The following ABCA10 variants were observed in gnomAD, a reference collection of about 807,000 sequenced individuals.
The protein encoded by ABCA10 is ATP-binding cassette sub-family A member 10.
In ABCA10, 169 loss-of-function variants were observed where a neutral mutation model predicts 187.5. The observed-to-expected ratio is 0.90, with a 90% CI of 0.80 to 1.02. The LOEUF is 1.02. Ranked by LOEUF, ABCA10 falls within the 50% of genes least tolerant of loss-of-function variation. The pLI, the probability that ABCA10 is intolerant of heterozygous loss-of-function variation, is 0.00. For missense variants in ABCA10, 1,727 were observed against 1,812.4 expected, an observed-to-expected ratio of 0.95 and a Z score of 0.86; for synonymous variants, 574 against 601.8, an observed-to-expected ratio of 0.95 and a Z score of 0.68.
At chr17:69,219,377 C>A (rs898958517) in intron 6 of ABCA10, among the ~76,000 whole-genome samples, 168 bp downstream of exon 6, 1 of 152,220 alleles carries the variant, frequency 6.6e-6, no homozygotes, top group African/African-American at 2.4e-5. Flanking sequence ...AACATAAGCA[C>A]AATCCTTACT....
chr17:69,186,470 CGTCT>C (rs1263190069), intron 19 of ABCA10, among the ~76,000 whole-genome samples: 1 of 152,258 alleles, frequency 6.6e-6, no homozygotes, highest in African/African-American at 2.4e-5. Context: ...CTCCACCCTC[CGTCT>C]ATCTCTCATT....
chr17:69,242,329 G>T (rs544329142), intron 1 of ABCA10, among the ~76,000 whole-genome samples: 1 of 152,200 alleles, frequency 6.6e-6, no homozygotes, highest in African/African-American at 2.4e-5. Context: ...ATAAAAATTA[G>T]ATAAGGTGAA....
At chr17:69,165,170 A>T in intron 25 of ABCA10, 87 bp from the exon 26 acceptor site, 1 of 1,131,034 alleles carries the variant, frequency 8.8e-7, no homozygotes, top group East Asian at 2.6e-5. Context: ...TTTTCCTGGG[A>T]GATACTGCCA....
chr17:69,217,617 T>C (rs2074716054), intron 6 of ABCA10, among the ~76,000 whole-genome samples: 1 of 152,200 alleles, frequency 6.6e-6, no homozygotes, highest in Admixed American at 6.5e-5. Context: ...GAATTTGGCA[T>C]ACTTGAGCCT....
intron 25 of ABCA10, among the ~76,000 whole-genome samples, chr17:69,165,640 G>C (rs1279074967): frequency 6.6e-6 from 1 of 152,026 alleles, no homozygotes; most frequent in Non-Finnish European, 1.5e-5. Context: ...TCCTAAAATG[G>C]CTCCCTGGCT....
intron 25 of ABCA10, among the ~76,000 whole-genome samples, chr17:69,169,290 A>C (rs781587454): frequency 6.6e-6 from 1 of 152,210 alleles, no homozygotes; most frequent in Non-Finnish European, 1.5e-5. Flanking sequence ...TTCCTAAGGG[A>C]TATTGTATCA....
rs763253458 is a variant in ABCA10, at chr17:69,185,661, A to G, written c.2331-18T>C. On this transcript the variant is annotated intron_variant, in intron 19 of 38. Transcript: ENST00000690296. The stretch of plus-strand genomic sequence containing the variant: ...CTAGTAACCTAAGTAAAACAAAATT[A>G]TAACATGAGTCTGAAGCAATTTTCC... The G allele has an allele frequency of 5.8e-6, 9 of 1,564,566 alleles. No homozygotes were observed. Among genetic ancestry groups the G allele is most frequent in the Non-Finnish European group, 7.8e-6 (9 of 1,148,114 alleles).
At chr17:69,156,171 T>C (rs1159923923) in intron 28 of ABCA10, among the ~76,000 whole-genome samples, 1 of 152,198 alleles carries the variant, frequency 6.6e-6, no homozygotes, top group Non-Finnish European at 1.5e-5. Flanking sequence ...GTCACTTCGT[T>C]CTTTTAAATC....
intron 6 of ABCA10, among the ~76,000 whole-genome samples, chr17:69,219,031 G>C (rs1210929475): frequency 6.6e-6 from 1 of 152,104 alleles, no homozygotes; most frequent in Non-Finnish European, 1.5e-5. Flanking sequence ...TTACTTTAAT[G>C]AGATTTTATT....
chr17:69,164,820 A>G, intron 26 of ABCA10, 144 bp downstream of exon 26: 1 of 1,102,674 alleles, frequency 9.1e-7, no homozygotes, highest in Non-Finnish European at 1.3e-6. Flanking sequence ...TCAATTTTAT[A>G]CAGCTTTAAA....
intron 16 of ABCA10, among the ~76,000 whole-genome samples, chr17:69,191,800 G>C (rs11077403): frequency 0.67 from 101,288 of 152,064 alleles, 34,345 homozygotes; most frequent in African/African-American, 0.74. Context: ...TTAATAAACA[G>C]TTGCTTTCTA....
Position 69,210,817 on chromosome 17 carries a change from CAT to C in ABCA10, c.1006+3885_1006+3886del, listed in dbSNP as rs1225966070. 7.3e-3 allele frequency among the ~76,000 whole-genome samples: 937 copies of C among 128,342 alleles called. 16 individuals are homozygous for C. Among genetic ancestry groups the C allele is most frequent in the African/African-American group, 0.034 (872 of 25,438 alleles). The allele number at this position is 128,342 out of a possible 152,430, so 84.2% of individuals were successfully genotyped here. ...ATATATATACAATGGCATATATATA[CAT>C]ATATATATATGCCACATATTTATGC... On this transcript the variant is annotated intron_variant, in intron 9 of 38. Coordinates refer to ENST00000690296, the MANE Select transcript of ABCA10 (RefSeq NM_001377321.1).
At position 69,164,566 on chromosome 17, in the gene ABCA10, T is replaced by A. The variant is rs112009199; in HGVS notation, c.3282+398A>T. On this transcript the variant is annotated intron_variant, in intron 26 of 38. Transcript: ENST00000690296. ...AAAGCAATTTATTGACACTAAGTAG[T>A]ATGCAATCAATAAGTCCAATAAGAT... Among the ~76,000 whole-genome samples the A allele has an allele frequency of 2.8e-3, 429 of 152,286 alleles. 2 individuals are homozygous for A. Among genetic ancestry groups the A allele is most frequent in the African/African-American group, 0.01 (417 of 41,570 alleles).
intron 9 of ABCA10, among the ~76,000 whole-genome samples, chr17:69,214,447 G>A (rs1039611143): frequency 1.3e-5 from 2 of 150,952 alleles, no homozygotes; most frequent in African/African-American, 2.4e-5. Context: ...CCCGGGAGGC[G>A]GAGCTTGCAG....
Position 69,185,538 on chromosome 17 carries a change from G to C in ABCA10, c.2436C>G (p.Phe812Leu). Residue 812 changes from phenylalanine to leucine, a missense_variant, in exon 20 of 39, where the codon TTC (phenylalanine) becomes TTG (leucine). Phe to Leu is a conservative substitution (Grantham distance 22). Coordinates refer to ENST00000690296, the MANE Select transcript of ABCA10 (RefSeq NM_001377321.1). ...TCTTCGGGATTTGTTCCAGAGAAAG[G>C]AAATACATACTGGGTGAAAACTCCC... The part of the protein sequence containing the change: ...HCWEFSPSMY[F>L]LSLEQIPKTP... The C allele has an allele frequency of 3.7e-6, 6 of 1,613,542 alleles. No homozygotes were observed. Among genetic ancestry groups the C allele is most frequent in the Non-Finnish European group, 5.1e-6 (6 of 1,179,702 alleles).
In ABCA10 at chr17:69,182,731, T is replaced by C. The variant is rs755497127; in HGVS notation, c.2575A>G (p.Asn859Asp). ...TTGTAGGAGGGATCATCTGAGCCATTTCTGTTTCTAAAGTCATCTATTTCC... is the reference window on the plus strand; with the variant it reads ...TTGTAGGAGGGATCATCTGAGCCATCTCTGTTTCTAAAGTCATCTATTTCC... Reference protein sequence around the residue: ...VLEIDDFRNRNGSDDPSYNGA... With the variant: ...VLEIDDFRNRDGSDDPSYNGA... The change falls in exon 21 of 39, where the codon AAT becomes GAT. Residue 859 changes from asparagine (N) to aspartate (D), a missense_variant. Physicochemically the swap from Asn to Asp is conservative, Grantham distance 23 (BLOSUM62 1). Coordinates refer to ENST00000690296, the MANE Select transcript of ABCA10 (RefSeq NM_001377321.1). The C allele has an allele frequency of 1.2e-6, 2 of 1,612,844 alleles. No individual in the cohort carries two copies. The highest frequency in any genetic ancestry group is 2.2e-5 in the South Asian group (2 of 90,962).
In ABCA10 at chr17:69,175,482, T is replaced by C. The variant is rs1205062437; in HGVS notation, c.2801A>G (p.Asp934Gly). ...DDIVLDLGFI[D>G]GSIFLLLITN... ...GATCAACAACAAAAATATGGACCCA[T>C]CTATAAAACCAAGATCCAGCACTAT... Residue 934 changes from aspartate (D) to glycine (G), a missense_variant, in exon 23 of 39, where the codon GAT becomes GGT. By Grantham distance (94) the Asp-to-Gly change is moderately conservative. Transcript: ENST00000690296. The C allele has an allele frequency of 1.2e-6, 2 of 1,611,444 alleles. No individual in the cohort carries two copies. Among genetic ancestry groups the C allele is most frequent in the East Asian group, 4.5e-5 (2 of 44,756 alleles).
chr17:69,159,581 A>G lies in ABCA10; in HGVS notation c.3364-2658T>C, dbSNP rs141494748. 3.6e-3 allele frequency among the ~76,000 whole-genome samples: 543 copies of G among 152,278 alleles called. 8 individuals carry two copies. The highest frequency in any genetic ancestry group is 0.011 in the African/African-American group (473 of 41,576). On this transcript the variant is annotated intron_variant, in intron 27 of 38. Coordinates refer to ENST00000690296, the MANE Select transcript of ABCA10 (RefSeq NM_001377321.1). ...TCATCACTCAGAGAGAAGCAACAAT[A>G]CAATTTCTTCTCTTCAGAAACAATG...
intron 22 of ABCA10, chr17:69,175,748 G>A (rs954058837): frequency 6.5e-5 from 19 of 292,206 alleles, no homozygotes; most frequent in South Asian, 4.6e-4. Context: ...GTAGTCTCCC[G>A]TTTCCACAGG....
Sources: gnomAD v4.1 joint callset for allele counts (sites outside exome capture counted in the v4.1 genomes callset) on GRCh38, gnomAD v4.1.1 for gene constraint, MANE v1.5 for transcripts, NCBI Gene and HGNC (gene_info 2026-07-23, HGNC 2026-07-21) for gene names.